ST8SIA3: variants seen among roughly 807,000 people sequenced by gnomAD.
ST8SIA3 encodes alpha-N-acetylneuraminate alpha-2,8-sialyltransferase ST8SIA3.
In ST8SIA3, 17 loss-of-function variants were observed where a neutral mutation model predicts 34.5. That is an observed-to-expected ratio of 0.49 (90% CI 0.34 to 0.74). The LOEUF (loss-of-function observed/expected upper bound fraction) is 0.74, where lower values mean the gene tolerates loss of function less well. Ranked by LOEUF, ST8SIA3 falls within the 30% of genes least tolerant of loss-of-function variation. The probability of loss-of-function intolerance (pLI) is 0.01; values close to 1 mark genes in which losing one functional copy is unlikely to be tolerated. For missense variants in ST8SIA3, 354 were observed against 467.8 expected, an observed-to-expected ratio of 0.76 and a Z score of 2.24; for synonymous variants, 172 against 176.1, an observed-to-expected ratio of 0.98 and a Z score of 0.19.
At chr18:57,356,068 G>T (rs989519428) in intron 2 of ST8SIA3, among the ~76,000 whole-genome samples, 8 of 152,294 alleles carry the variant, frequency 5.3e-5, no homozygotes, top group African/African-American at 1.9e-4. Flanking sequence ...AGCAGCAGTA[G>T]CATGTTACCA....
intron 2 of ST8SIA3, among the ~76,000 whole-genome samples, chr18:57,354,809 A>G (rs1342102710): frequency 2.6e-5 from 4 of 151,924 alleles, no homozygotes; most frequent in African/African-American, 7.3e-5. Context: ...ATTGAGCACC[A>G]TGATTTACAG....
At position 57,367,992 on chromosome 18, in the gene ST8SIA3, C is replaced by T. The variant is rs1035998998; in HGVS notation, c.*7715C>T. ...ACAACCACCTAAGTCCATAGCAAAA[C>T]TTTACAGATCTAGATGTTATCTCAA... On this transcript the variant is annotated 3_prime_UTR_variant, in exon 4 of 4. Transcript: ENST00000324000. The T allele has an allele frequency of 6.6e-6, 1 of 152,646 alleles. No individual in the cohort carries two copies. Among genetic ancestry groups the T allele is most frequent in the Non-Finnish European group, 1.5e-5 (1 of 68,050 alleles). The allele number at this position is 152,646 out of a possible 1,614,324, so 9.5% of individuals were successfully genotyped here. A position where few individuals can be genotyped will look rare whatever the true frequency, so the allele number is the denominator to read the frequency against.
At position 57,361,473 on chromosome 18, in the gene ST8SIA3, T is replaced by C. The variant is rs2049830366; in HGVS notation, c.*1196T>C. 1 of 152,666 alleles carries C rather than the reference T, an allele frequency of 6.6e-6. No homozygotes were observed. The highest frequency in any genetic ancestry group is 6.5e-5 in the Admixed American group (1 of 15,290). 9.5% of individuals were successfully genotyped at this position (152,666 alleles called of 1,614,324 possible). A position where few individuals can be genotyped will look rare whatever the true frequency, so the allele number is the denominator to read the frequency against. ...AACCATTTGCTCTCTTTGAGAACAT[T>C]GTAGCACTGGATATTCCCTCTTTCC... is the stretch of plus-strand genomic sequence containing the variant. On this transcript the variant is annotated 3_prime_UTR_variant, in exon 4 of 4. Coordinates refer to ENST00000324000, the MANE Select transcript of ST8SIA3 (RefSeq NM_015879.3).
rs1005372508 is a variant in ST8SIA3, at chr18:57,367,403, T to C, written c.*7126T>C. The C allele has an allele frequency of 6.5e-6, 1 of 152,694 alleles. No individual in the cohort carries two copies. Among genetic ancestry groups the C allele is most frequent in the Non-Finnish European group, 1.5e-5 (1 of 68,052 alleles). The allele number at this position is 152,694 out of a possible 1,614,324, so 9.5% of individuals were successfully genotyped here. ...CATGTTCAGATGTCTGTATTCCCAA[T>C]ACATTGCATGCAGCCTGAGCACAAG... On this transcript the variant is annotated 3_prime_UTR_variant, in exon 4 of 4. Coordinates refer to ENST00000324000, the MANE Select transcript of ST8SIA3 (RefSeq NM_015879.3).
intron 2 of ST8SIA3, among the ~76,000 whole-genome samples, chr18:57,355,013 A>G (rs2049790883): frequency 6.6e-6 from 1 of 152,244 alleles, no homozygotes; most frequent in Non-Finnish European, 1.5e-5. Context: ...ATTACTCGTG[A>G]AAATGCTGGC....
intron 3 of ST8SIA3, 107 bp from the exon 4 acceptor site, chr18:57,359,888 A>G: frequency 4.2e-6 from 4 of 957,684 alleles, no homozygotes; most frequent in South Asian, 1.8e-5. Flanking sequence ...AACAAGCACT[A>G]TTTAAGTTAC....
In ST8SIA3 at chr18:57,352,759, C is replaced by CATAT; in HGVS notation, c.-87_-86insTATA. 1.0e-6 allele frequency: 1 copy of CATAT among 970,940 alleles called. No individual in the cohort carries two copies. The highest frequency in any genetic ancestry group is 1.6e-6 in the Non-Finnish European group (1 of 636,688). The allele number at this position is 970,940 out of a possible 1,614,324, so 60.1% of individuals were successfully genotyped here. ...ACACACACACACACACACACACACACACACACACACATATATACACGCCAG... is the reference window on the plus strand; with the variant it reads ...ACACACACACACACACACACACACACATATACACACACACATATATACACGCCAG... On this transcript the variant is annotated 5_prime_UTR_variant, in exon 1 of 4. Transcript: ENST00000324000.
chr18:57,360,689 C>T lies in ST8SIA3; in HGVS notation c.*412C>T, dbSNP rs1598903990. The stretch of plus-strand genomic sequence containing the variant: ...CCTGTTTTGCTGGTGGGATCAGACT[C>T]TGAAAAATGGAAACGTAAAAAACTG... On this transcript the variant is annotated 3_prime_UTR_variant, in exon 4 of 4. Transcript: ENST00000324000. The T allele has an allele frequency of 6.1e-6, 1 of 164,742 alleles. No individual in the cohort carries two copies. The highest frequency in any genetic ancestry group is 1.8e-4 in the South Asian group (1 of 5,546). The allele number at this position is 164,742 out of a possible 1,614,324, so 10.2% of individuals were successfully genotyped here.
At chr18:57,354,376 T>A in intron 1 of ST8SIA3, 26 bp from the exon 2 acceptor site, 1 of 1,613,556 alleles carries the variant, frequency 6.2e-7, no homozygotes, top group Non-Finnish European at 8.5e-7. Context: ...GCCAGCACGC[T>A]TGTCTGTGCT....
Position 57,352,732 on chromosome 18 carries a change from TCACA to T in ST8SIA3, c.-80_-77del, listed in dbSNP as rs59006823. ...CCTCCTCCGCCACACGCGCGCGCGCTCACACACACACACACACACACACACACAC... is the reference window on the plus strand; with the variant it reads ...CCTCCTCCGCCACACGCGCGCGCGCTCACACACACACACACACACACACAC... On this transcript the variant is annotated 5_prime_UTR_variant, in exon 1 of 4. Coordinates refer to ENST00000324000, the MANE Select transcript of ST8SIA3 (RefSeq NM_015879.3). The T allele has an allele frequency of 0.027, 10,512 of 389,380 alleles. 214 individuals carry two copies. The highest frequency in any genetic ancestry group is 0.1 in the African/African-American group (3,834 of 38,324). 24.1% of individuals were successfully genotyped at this position (389,380 alleles called of 1,614,324 possible).
chr18:57,354,356 C>G lies in ST8SIA3; in HGVS notation c.180-46C>G, dbSNP rs3745059. 2,191 of 1,610,428 alleles carry G rather than the reference C, an allele frequency of 1.4e-3. 51 individuals carry two copies. The East Asian group carries it at 0.037, about 27-fold the overall frequency. ...CACTTTAATGGCTACCTCGGCTTCCCCGAGCTGAGGCCAGCACGCTTGTCT... is the reference window on the plus strand; with the variant it reads ...CACTTTAATGGCTACCTCGGCTTCCGCGAGCTGAGGCCAGCACGCTTGTCT... On this transcript the variant is annotated intron_variant, in intron 1 of 3. Coordinates refer to ENST00000324000, the MANE Select transcript of ST8SIA3 (RefSeq NM_015879.3).
At chr18:57,356,421 A>T (rs79322909) in intron 2 of ST8SIA3, among the ~76,000 whole-genome samples, 2,071 of 152,320 alleles carry the variant, frequency 0.014, 42 homozygotes, top group African/African-American at 0.047. Context: ...ATAGTGCTGT[A>T]CTGACTCATA....
intron 1 of ST8SIA3, among the ~76,000 whole-genome samples, chr18:57,353,834 G>C (rs2049781182): frequency 6.6e-6 from 1 of 152,206 alleles, no homozygotes; most frequent in Non-Finnish European, 1.5e-5. Flanking sequence ...GTCCAAGCTG[G>C]GACCGAGGCG....
chr18:57,357,519 C>A, intron 3 of ST8SIA3, 49 bp downstream of exon 3: 1 of 1,447,762 alleles, frequency 6.9e-7, no homozygotes, highest in South Asian at 1.2e-5. Flanking sequence ...GATGGCAAAT[C>A]AATGTTGTAA....
chr18:57,354,464 A>G lies in ST8SIA3; in HGVS notation c.242A>G (p.Gln81Arg), dbSNP rs528575202. 1 of 1,614,228 alleles carries G rather than the reference A, an allele frequency of 6.2e-7. No homozygotes were observed. The highest frequency in any genetic ancestry group is 1.3e-5 in the African/African-American group (1 of 75,068). The change falls in exon 2 of 4, where the codon CAG becomes CGG. Residue 81 changes from glutamine to arginine, a missense_variant. Coordinates refer to ENST00000324000, the MANE Select transcript of ST8SIA3 (RefSeq NM_015879.3). ...GTGCCCATTACGAATTCTCTCACCCAGGAACTCCAAGAGAAACCTTCTAAG... is the reference window on the plus strand; with the variant it reads ...GTGCCCATTACGAATTCTCTCACCCGGGAACTCCAAGAGAAACCTTCTAAG... ...SFVPITNSLTQELQEKPSKWK... is the reference protein window; with the variant it reads ...SFVPITNSLTRELQEKPSKWK...
Position 57,361,976 on chromosome 18 carries a change from C to T in ST8SIA3, c.*1699C>T, listed in dbSNP as rs62100967. On this transcript the variant is annotated 3_prime_UTR_variant, in exon 4 of 4. Coordinates refer to ENST00000324000, the MANE Select transcript of ST8SIA3 (RefSeq NM_015879.3). ...AGGAAAGACACTATCGTTATGCTCA[C>T]GTTCTGCCTGGTCCTAAACCTGCCT... 10 of 152,162 alleles carry T rather than the reference C, an allele frequency of 6.6e-5. No individual in the cohort carries two copies. The highest frequency in any genetic ancestry group is 2.1e-4 in the South Asian group (1 of 4,828). The allele number at this position is 152,162 out of a possible 1,614,324, so 9.4% of individuals were successfully genotyped here.
chr18:57,360,398 G>C lies in ST8SIA3; in HGVS notation c.*121G>C. ...GGATTGTCTGCCATTTAAAAGGAAAGATGTCTTTTCTCTTTTGCACTGCTC... is the reference window on the plus strand; with the variant it reads ...GGATTGTCTGCCATTTAAAAGGAAACATGTCTTTTCTCTTTTGCACTGCTC... On this transcript the variant is annotated 3_prime_UTR_variant, in exon 4 of 4. Coordinates refer to ENST00000324000, the MANE Select transcript of ST8SIA3 (RefSeq NM_015879.3). The C allele has an allele frequency of 1.9e-6, 2 of 1,046,326 alleles. No individual in the cohort carries two copies. Among genetic ancestry groups the C allele is most frequent in the Admixed American group, 2.8e-5 (1 of 35,404 alleles). The allele number at this position is 1,046,326 out of a possible 1,614,324, so 64.8% of individuals were successfully genotyped here.
Position 57,352,960 on chromosome 18 carries a change from C to T in ST8SIA3, c.114C>T (p.Ile38=), listed in dbSNP as rs1252338447. ...ACGTGTCCCTGAAAAAGGAGAACAT[C>T]TTCACCACTCCCAAGTACGCCAGCC... ...ISYVSLKKEN[I]FTTPKYASPG... Residue 38 remains isoleucine, a synonymous_variant, in exon 1 of 4, where the codon ATC becomes ATT. Transcript: ENST00000324000. 3 of 1,613,350 alleles carry T rather than the reference C, an allele frequency of 1.9e-6. No homozygotes were observed. Among genetic ancestry groups the T allele is most frequent in the Non-Finnish European group, 2.5e-6 (3 of 1,179,984 alleles).
rs1469758999 is a variant in ST8SIA3, at chr18:57,362,181, A to G, written c.*1904A>G. ...GTGGTATAATTTGATGGGTATCACA[A>G]CCACACCGTGTTTGTTCCCTGTCCC... is the stretch of plus-strand genomic sequence containing the variant. On this transcript the variant is annotated 3_prime_UTR_variant, in exon 4 of 4. Coordinates refer to ENST00000324000, the MANE Select transcript of ST8SIA3 (RefSeq NM_015879.3). 6.6e-6 allele frequency: 1 copy of G among 152,216 alleles called. No homozygotes were observed. The highest frequency in any genetic ancestry group is 1.5e-5 in the Non-Finnish European group (1 of 68,042). 9.4% of individuals were successfully genotyped at this position (152,216 alleles called of 1,614,324 possible).
Sources: gnomAD v4.1 joint callset for allele counts (sites outside exome capture counted in the v4.1 genomes callset) on GRCh38, gnomAD v4.1.1 for gene constraint, MANE v1.5 for transcripts, NCBI Gene and HGNC (gene_info 2026-07-23, HGNC 2026-07-21) for gene names.